Variants in PPP1R36 observed in about 807,000 individuals in gnomAD.
PPP1R36 encodes the protein chromosome 14 open reading frame 50.
PPP1R36 carries 47 observed loss-of-function variants against 53.4 expected under a neutral mutation model. The ratio of observed to expected loss-of-function variants is 0.88; its 90% CI spans 0.70 to 1.12. The LOEUF (loss-of-function observed/expected upper bound fraction) is 1.12. Ranked by LOEUF, PPP1R36 falls within the 50% of genes most tolerant of loss-of-function variation. The pLI, the probability that PPP1R36 is intolerant of heterozygous loss-of-function variation, is 0.00. For synonymous variants in PPP1R36, 153 were observed against 170.5 expected (o/e 0.90, Z 0.80); for missense variants, 456 against 513.9 (o/e 0.89, Z 1.09).
chr14:64,588,555 A>T (rs1321262616), intron 11 of PPP1R36: 11 of 149,814 alleles, frequency 7.3e-5, no homozygotes, highest in African/African-American at 9.7e-5. Flanking sequence ...TGAGTAACTG[A>T]TTTTTTTTTT....
At chr14:64,577,579 T>C (rs2080352997) in intron 8 of PPP1R36, among the ~76,000 whole-genome samples, 1 of 152,082 alleles carries the variant, frequency 6.6e-6, no homozygotes, top group African/African-American at 2.4e-5. Context: ...TCCAGTTCTC[T>C]CCTCATTTTC....
chr14:64,569,847 T>G (rs1183742200), intron 7 of PPP1R36, among the ~76,000 whole-genome samples: 2 of 151,912 alleles, frequency 1.3e-5, no homozygotes, highest in East Asian at 3.9e-4. Flanking sequence ...CAAGTGATTT[T>G]CCCACCTCAG....
intron 2 of PPP1R36, chr14:64,552,587 C>A (rs563586279): frequency 2.7e-4 from 120 of 449,418 alleles, no homozygotes; most frequent in African/African-American, 2.3e-3. Context: ...CAAATGGGGG[C>A]TGGAGGTCAG....
At chr14:64,557,057 T>C (rs2080161103) in intron 3 of PPP1R36, among the ~76,000 whole-genome samples, 1 of 151,688 alleles carries the variant, frequency 6.6e-6, no homozygotes, top group African/African-American at 2.4e-5. Context: ...GTCTGGAACT[T>C]CTGAGCTCAA....
chr14:64,551,704 A>T, intron 2 of PPP1R36: 1 of 455,692 alleles, frequency 2.2e-6, no homozygotes, highest in Non-Finnish European at 4.4e-6. Flanking sequence ...AGCAGAACTG[A>T]TAGTTTGAAC....
At chr14:64,563,627 G>A (rs1762885534) in intron 3 of PPP1R36, among the ~76,000 whole-genome samples, 2 of 152,128 alleles carry the variant, frequency 1.3e-5, no homozygotes, top group Admixed American at 1.3e-4. Flanking sequence ...TACTGTCATG[G>A]GGAGGTATTT....
At chr14:64,551,246 G>C (rs1321222107) in intron 2 of PPP1R36, among the ~76,000 whole-genome samples, 2 of 152,142 alleles carry the variant, frequency 1.3e-5, no homozygotes, top group Non-Finnish European at 1.5e-5. Flanking sequence ...GGTTTCAAAG[G>C]GTTCAGCGAC....
At chr14:64,576,686 A>G (rs12894807) in intron 8 of PPP1R36, among the ~76,000 whole-genome samples, 121,974 of 152,100 alleles carry the variant, frequency 0.8, 49,089 homozygotes, top group East Asian at 0.86. Context: ...ATCCACTTCC[A>G]AGGCCCAGCA....
At chr14:64,588,364 G>A in intron 11 of PPP1R36, 69 bp downstream of exon 11, 1 of 1,399,772 alleles carries the variant, frequency 7.1e-7, no homozygotes, top group Non-Finnish European at 9.7e-7. Flanking sequence ...GAAGGGGCAG[G>A]GGCCCAGGCA....
intron 2 of PPP1R36, among the ~76,000 whole-genome samples, chr14:64,551,313 T>C (rs750698832): frequency 6.6e-6 from 1 of 152,260 alleles, no homozygotes; most frequent in African/African-American, 2.4e-5. Context: ...ACTAAGATTA[T>C]TTAAATGTAG....
intron 3 of PPP1R36, among the ~76,000 whole-genome samples, chr14:64,553,823 T>TAAAAAA (rs11441855): frequency 4.4e-4 from 36 of 82,066 alleles, no homozygotes; most frequent in Middle Eastern, 5.5e-3. Flanking sequence ...AAGTTATAAC[T>TAAAAAA]AAAAAAAAAA....
Position 64,573,913 on chromosome 14 carries a change from C to CAAAAAAAAAAAAA in PPP1R36, c.534-523_534-511dup, listed in dbSNP as rs35427371. Among the ~76,000 whole-genome samples the CAAAAAAAAAAAAA allele has an allele frequency of 1.2e-4, 4 of 32,536 alleles. 1 individual carries two copies. The highest frequency in any genetic ancestry group is 1.5e-4 in the Non-Finnish European group (3 of 20,230). 21.3% of individuals were successfully genotyped at this position (32,536 alleles called of 152,430 possible). A position where few individuals can be genotyped will look rare whatever the true frequency, so the allele number is the denominator to read the frequency against. ...TGGGCGACACAGCGAGACTCTGTCT[C>CAAAAAAAAAAAAA]AAAAAAAAAAAAAAAAAAAAAAAAA... On this transcript the variant is annotated intron_variant, in intron 7 of 11. Transcript: ENST00000298705.
At chr14:64,574,320 A>C in intron 7 of PPP1R36, 135 bp from the exon 8 acceptor site, 1 of 826,698 alleles carries the variant, frequency 1.2e-6, no homozygotes, top group Non-Finnish European at 1.9e-6. Flanking sequence ...GCACCACTGC[A>C]CTCCAGCCTA....
chr14:64,577,942 G>C (rs1421655063), intron 8 of PPP1R36, among the ~76,000 whole-genome samples: 1 of 151,472 alleles, frequency 6.6e-6, no homozygotes, highest in African/African-American at 2.4e-5. Flanking sequence ...AGCCAGAATG[G>C]TCTCGATCTC....
chr14:64,568,729 T>C (rs1251464801), intron 7 of PPP1R36, among the ~76,000 whole-genome samples: 3 of 152,260 alleles, frequency 2.0e-5, no homozygotes, highest in Non-Finnish European at 4.4e-5. Flanking sequence ...CTTAAAAATG[T>C]AATAAGATAC....
At chr14:64,573,340 A>T (rs1786442351) in intron 7 of PPP1R36, among the ~76,000 whole-genome samples, 1 of 152,212 alleles carries the variant, frequency 6.6e-6, no homozygotes, top group African/African-American at 2.4e-5. Flanking sequence ...CAAAGTTCCC[A>T]GAGTAGTAGT....
At chr14:64,579,389 T>C (rs1477221469) in intron 8 of PPP1R36, among the ~76,000 whole-genome samples, 3 of 152,146 alleles carry the variant, frequency 2.0e-5, no homozygotes, top group Non-Finnish European at 2.9e-5. Context: ...TACTTAAAAG[T>C]TGGGGATGTT....
chr14:64,550,166 G>A (rs2080082894), intron 1 of PPP1R36, 100 bp downstream of exon 1: 1 of 1,476,310 alleles, frequency 6.8e-7, no homozygotes, highest in South Asian at 1.3e-5. Flanking sequence ...CCAGAGGCGG[G>A]TCGTCGCCTT....
intron 8 of PPP1R36, among the ~76,000 whole-genome samples, chr14:64,583,086 G>C (rs1349578058): frequency 8.4e-6 from 1 of 118,830 alleles, no homozygotes; most frequent in East Asian, 2.4e-4. Context: ...TTTTTTTTTT[G>C]TATTTTTGTA....
Sources: gnomAD v4.1 joint callset for allele counts (sites outside exome capture counted in the v4.1 genomes callset) on GRCh38, gnomAD v4.1.1 for gene constraint, MANE v1.5 for transcripts, NCBI Gene and HGNC (gene_info 2026-07-23, HGNC 2026-07-21) for gene names.